The following UGT1A8 variants were observed in gnomAD, a reference collection of about 807,000 sequenced individuals.
UGT1A8 encodes the protein UDP glucuronosyltransferase family 1 member A8, also known as UDP-glucuronosyltransferase 1A8.
UGT1A8 carries 39 observed loss-of-function variants against 45.3 expected under a neutral mutation model. That is an observed-to-expected ratio of 0.86 (90% CI 0.67 to 1.12). The LOEUF (loss-of-function observed/expected upper bound fraction) is 1.12. Ranked by LOEUF, UGT1A8 falls within the 50% of genes most tolerant of loss-of-function variation. The probability of loss-of-function intolerance (pLI) is 0.00; values close to 1 mark genes in which losing one functional copy is unlikely to be tolerated. For missense variants in UGT1A8, 719 were observed against 664.9 expected, an observed-to-expected ratio of 1.08 and a Z score of -0.90; for synonymous variants, 275 against 249.2, an observed-to-expected ratio of 1.10 and a Z score of -0.97.
chr2:233,701,652 C>T (rs1426391731), intron 1 of UGT1A8, among the ~76,000 whole-genome samples: 1 of 152,198 alleles, frequency 6.6e-6, no homozygotes. Flanking sequence ...GTCTCTCAGA[C>T]CACAGTGCAA....
At chr2:233,758,604 G>A (rs1575759841) in intron 1 of UGT1A8, among the ~76,000 whole-genome samples, 2 of 152,306 alleles carry the variant, frequency 1.3e-5, no homozygotes, top group East Asian at 3.9e-4. Context: ...AGGAGCTTCA[G>A]TGTGCATGTG....
At position 233,765,603 on chromosome 2, in the gene UGT1A8, T is replaced by C. The variant is rs376691829; in HGVS notation, c.856-1431T>C. ...GGGGAACAACACACACCAGGGCTTG[T>C]GGCGGGGTGAGGGGTGAGGGGAGGA... On this transcript the variant is annotated intron_variant, in intron 1 of 4. Coordinates refer to ENST00000373450, the MANE Select transcript of UGT1A8 (RefSeq NM_019076.5). Among the ~76,000 whole-genome samples, 8 of 151,018 alleles carry C rather than the reference T, an allele frequency of 5.3e-5. No individual in the cohort carries two copies. In the East Asian group the frequency reaches 5.8e-4, roughly 11 times the overall value.
At chr2:233,687,583 TAAAA>T (rs71398794) in intron 1 of UGT1A8, among the ~76,000 whole-genome samples, 44,818 of 106,436 alleles carry the variant, frequency 0.42, 7,818 homozygotes, top group Middle Eastern at 0.48. Flanking sequence ...ACATTCTTTG[TAAAA>T]AAAAAAAAAA....
chr2:233,748,192 G>A, intron 1 of UGT1A8: 1 of 1,554,576 alleles, frequency 6.4e-7, no homozygotes, highest in South Asian at 1.2e-5. Flanking sequence ...TTTTATTTCT[G>A]CTTGTCGTAA....
At chr2:233,770,026 C>T (rs371960443) in intron 4 of UGT1A8, 2 of 158,948 alleles carry the variant, frequency 1.3e-5, no homozygotes, top group South Asian at 1.9e-4. Flanking sequence ...TTTCCCTGCA[C>T]TGTTGAAGCT....
At chr2:233,755,299 T>C (rs1695851428) in intron 1 of UGT1A8, 2 of 613,704 alleles carry the variant, frequency 3.3e-6, no homozygotes, top group South Asian at 1.7e-5. Flanking sequence ...TGCGGGGCAC[T>C]GGCACAGCGA....
At chr2:233,713,008 A>G in intron 1 of UGT1A8, 1 of 1,613,630 alleles carries the variant, frequency 6.2e-7, no homozygotes, top group Non-Finnish European at 8.5e-7. Flanking sequence ...ACAGGACTCC[A>G]GGTTCCCCTG....
chr2:233,652,739 A>C (rs1385068065), intron 1 of UGT1A8, among the ~76,000 whole-genome samples: 9 of 152,238 alleles, frequency 5.9e-5, no homozygotes, highest in African/African-American at 2.2e-4. Context: ...TCTCTTCAAC[A>C]GAGGTCGCTG....
At chr2:233,661,623 T>TTTTCTTTCTGTCTTTC (rs1553602619) in intron 1 of UGT1A8, among the ~76,000 whole-genome samples, 12 of 124,046 alleles carry the variant, frequency 9.7e-5, no homozygotes, top group African/African-American at 3.8e-4. Context: ...ACTTACTGAA[T>TTTTCTTTCTGTCTTTC]TTTCTTTCTT....
At chr2:233,621,140 A>T (rs2125448282) in intron 1 of UGT1A8, among the ~76,000 whole-genome samples, 1 of 152,322 alleles carries the variant, frequency 6.6e-6, no homozygotes, top group Middle Eastern at 3.4e-3. Flanking sequence ...CTCCAACGTC[A>T]GGGATCAAAT....
intron 1 of UGT1A8, among the ~76,000 whole-genome samples, chr2:233,668,718 T>C (rs944404037): frequency 6.6e-6 from 1 of 152,358 alleles, no homozygotes; most frequent in East Asian, 1.9e-4. Flanking sequence ...CTAGCACCTA[T>C]GTACATTTAT....
chr2:233,653,249 A>T (rs2073782309), intron 1 of UGT1A8, among the ~76,000 whole-genome samples: 1 of 152,240 alleles, frequency 6.6e-6, no homozygotes, highest in Non-Finnish European at 1.5e-5. Context: ...TTTGAAAAAC[A>T]TATAAAAACA....
intron 1 of UGT1A8, chr2:233,648,031 C>G (rs943653984): frequency 6.3e-7 from 1 of 1,596,308 alleles, no homozygotes; most frequent in Non-Finnish European, 8.5e-7. Flanking sequence ...GAGTTGGCAA[C>G]TGGGAAGATC....
intron 1 of UGT1A8, among the ~76,000 whole-genome samples, chr2:233,727,321 C>T (rs1225284066): frequency 6.6e-6 from 1 of 152,152 alleles, no homozygotes; most frequent in African/African-American, 2.4e-5. Flanking sequence ...TTCCCAGGCA[C>T]CAGGAGCTCC....
intron 1 of UGT1A8, among the ~76,000 whole-genome samples, chr2:233,685,748 C>T (rs569511404): frequency 6.6e-6 from 1 of 152,214 alleles, no homozygotes; most frequent in African/African-American, 2.4e-5. Flanking sequence ...TTTTTTCTTC[C>T]ATTTTAAAGA....
intron 1 of UGT1A8, chr2:233,760,983 C>A: frequency 6.2e-7 from 1 of 1,614,178 alleles, no homozygotes; most frequent in Non-Finnish European, 8.5e-7. Context: ...CGTATGCAAC[C>A]CTTGCCTCAG....
chr2:233,653,716 C>A (rs557092997), intron 1 of UGT1A8, among the ~76,000 whole-genome samples: 115 of 152,290 alleles, frequency 7.6e-4, no homozygotes, highest in Non-Finnish European at 1.4e-3. Flanking sequence ...CCTGCCTCAG[C>A]CTCCTGGGTA....
chr2:233,705,514 T>C (rs2075854152), intron 1 of UGT1A8, among the ~76,000 whole-genome samples: 3 of 152,040 alleles, frequency 2.0e-5, no homozygotes, highest in African/African-American at 4.8e-5. Context: ...AGAATCAGGG[T>C]GGGGAGATTA....
chr2:233,707,077 C>T (rs1486929021), intron 1 of UGT1A8, among the ~76,000 whole-genome samples: 1 of 152,138 alleles, frequency 6.6e-6, no homozygotes. Context: ...TCTGCATGTG[C>T]TCCACTTTGC....
Sources: gnomAD v4.1 joint callset for allele counts (sites outside exome capture counted in the v4.1 genomes callset) on GRCh38, gnomAD v4.1.1 for gene constraint, MANE v1.5 for transcripts, NCBI Gene and HGNC (gene_info 2026-07-23, HGNC 2026-07-21) for gene names.